Variants in LGR4 observed in about 807,000 individuals in gnomAD.
LGR4 encodes leucine-rich repeat-containing G protein-coupled receptor 4.
A neutral mutation model predicts 84.8 loss-of-function variants in LGR4; 44 were observed. The ratio of observed to expected loss-of-function variants is 0.52; its 90% CI spans 0.41 to 0.67. The LOEUF (loss-of-function observed/expected upper bound fraction) is 0.67, where lower values mean the gene tolerates loss of function less well. Ranked by LOEUF, LGR4 falls within the 30% of genes least tolerant of loss-of-function variation. The pLI, the probability that LGR4 is intolerant of heterozygous loss-of-function variation, is 0.00. For synonymous variants in LGR4, 429 were observed against 434.3 expected, an observed-to-expected ratio of 0.99 and a Z score of 0.15; for missense variants, 1,032 against 1,131.4, an observed-to-expected ratio of 0.91 and a Z score of 1.26.
At chr11:27,385,541 A>C in intron 4 of LGR4, 73 bp from the exon 5 acceptor site, 5 of 898,248 alleles carry the variant, frequency 5.6e-6, no homozygotes, top group Non-Finnish European at 8.4e-6. Context: ...CTCACAACTC[A>C]AAGCTTTCAA....
chr11:27,446,117 T>C (rs1462399763), intron 1 of LGR4, among the ~76,000 whole-genome samples: 1 of 152,190 alleles, frequency 6.6e-6, no homozygotes, highest in Non-Finnish European at 1.5e-5. Flanking sequence ...ATAGAGAGCT[T>C]AAAAATGGGG....
chr11:27,442,176 G>A (rs1330164561), intron 1 of LGR4, among the ~76,000 whole-genome samples: 1 of 152,208 alleles, frequency 6.6e-6, no homozygotes, highest in Non-Finnish European at 1.5e-5. Flanking sequence ...GGGTTAGACA[G>A]AATGGGGCAA....
chr11:27,408,567 C>T (rs1863654628), intron 2 of LGR4, among the ~76,000 whole-genome samples: 1 of 152,094 alleles, frequency 6.6e-6, no homozygotes, highest in Non-Finnish European at 1.5e-5. Context: ...CAAATTTCAG[C>T]CATCCCCCAA....
intron 11 of LGR4, 21 bp from the exon 12 acceptor site, chr11:27,377,244 C>G: frequency 4.1e-6 from 5 of 1,208,812 alleles, no homozygotes; most frequent in Non-Finnish European, 6.1e-6. Flanking sequence ...TGGAAATTAA[C>G]AAATTAATGC....
intron 13 of LGR4, among the ~76,000 whole-genome samples, chr11:27,375,297 CAA>C (rs5790647): frequency 2.1e-4 from 25 of 118,098 alleles, no homozygotes; most frequent in Admixed American, 1.7e-4. Flanking sequence ...GACCCTGTCT[CAA>C]AAAAAAAAAA....
intron 4 of LGR4, among the ~76,000 whole-genome samples, chr11:27,390,467 G>A (rs544966255): frequency 6.6e-6 from 1 of 152,048 alleles, no homozygotes; most frequent in Non-Finnish European, 1.5e-5. Context: ...CTAGGATATA[G>A]CCTAGGGTTC....
chr11:27,463,718 G>A (rs560579808), intron 1 of LGR4, among the ~76,000 whole-genome samples: 6 of 151,882 alleles, frequency 4.0e-5, no homozygotes, highest in Admixed American at 2.0e-4. Context: ...CCCAGGAGGC[G>A]GAGGTTGCAG....
chr11:27,371,615 C>T lies in LGR4; in HGVS notation c.1579G>A (p.Gly527Ser). Reference protein sequence around the residue: ...QIIIHCTPSTGAFKPCEYLLG... With the variant: ...QIIIHCTPSTSAFKPCEYLLG... ...CTGTGAAAAAATAGGCCAGGCATAC[C>T]TGTTGAAGGTGTACAATGGATAATT... The change falls in exon 17 of 18, where the codon GGT (glycine) becomes AGT (serine). Residue 527 changes from glycine to serine, a missense_variant and splice_region_variant. Physicochemically the swap from Gly to Ser is moderately conservative, Grantham distance 56. Coordinates refer to ENST00000379214, the MANE Select transcript of LGR4 (RefSeq NM_018490.5). 6.2e-7 allele frequency: 1 copy of T among 1,605,992 alleles called. No homozygotes were observed. Among genetic ancestry groups the T allele is most frequent in the Non-Finnish European group, 8.5e-7 (1 of 1,174,432 alleles).
chr11:27,380,825 G>A, intron 8 of LGR4, 70 bp downstream of exon 8: 1 of 1,183,328 alleles, frequency 8.5e-7, no homozygotes, highest in East Asian at 2.3e-5. Flanking sequence ...TTCTTTATCA[G>A]GGTGTTTGGC....
rs200956245 is a variant in LGR4, at chr11:27,472,083, T to TCCCC, written c.185+31_185+34dup. 4 of 1,004,654 alleles carry TCCCC rather than the reference T, an allele frequency of 4.0e-6. No homozygotes were observed. The African/African-American group carries it at 6.7e-5, about 17-fold the overall frequency. The allele number at this position is 1,004,654 out of a possible 1,614,324, so 62.2% of individuals were successfully genotyped here. A position where few individuals can be genotyped will look rare whatever the true frequency, so the allele number is the denominator to read the frequency against. Reference sequence around the variant, plus strand: ...GCGCCCCCCGCTGGGCCCCGTTTCCTCCCCCCCCCTCGCGTCCCCGCCGCC... The same window carrying TCCCC: ...GCGCCCCCCGCTGGGCCCCGTTTCCTCCCCCCCCCCCCCTCGCGTCCCCGCCGCC... On this transcript the variant is annotated intron_variant, in intron 1 of 17. Transcript: ENST00000379214.
intron 1 of LGR4, among the ~76,000 whole-genome samples, chr11:27,416,855 C>T (rs1863829256): frequency 6.6e-6 from 1 of 152,156 alleles, no homozygotes; most frequent in Non-Finnish European, 1.5e-5. Flanking sequence ...TGGTTAAACT[C>T]TCATCGTCTT....
chr11:27,409,211 C>T (rs1008766625), intron 2 of LGR4, among the ~76,000 whole-genome samples: 8 of 152,048 alleles, frequency 5.3e-5, no homozygotes, highest in Non-Finnish European at 1.0e-4. Context: ...CACAGTGTTC[C>T]AGAAAGCACT....
intron 4 of LGR4, among the ~76,000 whole-genome samples, chr11:27,390,028 T>C (rs1378827815): frequency 1.3e-5 from 2 of 152,192 alleles, no homozygotes; most frequent in Non-Finnish European, 2.9e-5. Flanking sequence ...ATGGGTTAGA[T>C]ACAGTTTAAA....
Position 27,366,632 on chromosome 11 carries a change from A to T in LGR4, c.*1235T>A, listed in dbSNP as rs997028644. The T allele has an allele frequency of 6.6e-6, 1 of 152,574 alleles. No homozygotes were observed. Among genetic ancestry groups the T allele is most frequent in the Non-Finnish European group, 1.5e-5 (1 of 67,978 alleles). The allele number at this position is 152,574 out of a possible 1,614,324, so 9.5% of individuals were successfully genotyped here. A position where few individuals can be genotyped will look rare whatever the true frequency, so the allele number is the denominator to read the frequency against. On this transcript the variant is annotated 3_prime_UTR_variant, in exon 18 of 18. Transcript: ENST00000379214. ...CAATTATAACTTTAAGACTCCACCC[A>T]GTAATAGGTCTAAAGCCCATAGATG...
intron 2 of LGR4, among the ~76,000 whole-genome samples, chr11:27,410,440 C>A (rs925305911): frequency 5.3e-5 from 8 of 151,996 alleles, no homozygotes; most frequent in African/African-American, 1.9e-4. Flanking sequence ...CATGGAAAAA[C>A]CCTCAGCAAA....
chr11:27,396,508 C>A (rs1372723323), intron 2 of LGR4, among the ~76,000 whole-genome samples: 2 of 152,124 alleles, frequency 1.3e-5, no homozygotes, highest in African/African-American at 4.8e-5. Context: ...GGATACATAC[C>A]ATTCTCTGTT....
At chr11:27,408,302 A>G (rs1258914116) in intron 2 of LGR4, among the ~76,000 whole-genome samples, 1 of 152,182 alleles carries the variant, frequency 6.6e-6, no homozygotes, top group Non-Finnish European at 1.5e-5. Flanking sequence ...ATCTTCAATT[A>G]GTATTCAGAG....
intron 1 of LGR4, among the ~76,000 whole-genome samples, chr11:27,471,507 T>C (rs1864871439): frequency 6.6e-6 from 1 of 152,230 alleles, no homozygotes; most frequent in Non-Finnish European, 1.5e-5. Context: ...TGGGCGTTAG[T>C]GGGGTAGTCC....
At position 27,369,118 on chromosome 11, in the gene LGR4, T is replaced by C; in HGVS notation, c.1605A>G (p.Leu535=). The change falls in exon 18 of 18, where the codon TTA becomes TTG. Residue 535 remains leucine (L), a synonymous_variant. Transcript: ENST00000379214. The stretch of plus-strand genomic sequence containing the variant: ...TAAGACGAATCATCCAGCTTCCCAG[T>C]AAATATTCACAGGGCTTAAAAGCAC... ...STGAFKPCEY[L]LGSWMIRLTV... The C allele has an allele frequency of 6.2e-7, 1 of 1,608,208 alleles. No individual in the cohort carries two copies. The highest frequency in any genetic ancestry group is 1.1e-5 in the South Asian group (1 of 90,106).
Sources: allele counts gnomAD v4.1 joint callset (sites outside exome capture counted in the v4.1 genomes callset), GRCh38; gene constraint gnomAD v4.1.1; transcripts MANE v1.5; gene names NCBI Gene and HGNC (gene_info 2026-07-23, HGNC 2026-07-21).